INO80C: variants seen among roughly 807,000 people sequenced by gnomAD.
INO80C encodes the protein IES6 homolog.
A neutral mutation model predicts 17.7 loss-of-function variants in INO80C; 17 were observed. The observed-to-expected ratio is 0.96, with a 90% CI of 0.66 to 1.44. INO80C has a LOEUF of 1.44. INO80C is among the 40% of genes most tolerant of loss of function. The pLI, the probability that INO80C is intolerant of heterozygous loss-of-function variation, is 0.00. For missense variants in INO80C, 244 were observed against 245.0 expected (o/e 1.00, Z 0.03); for synonymous variants, 96 against 95.8 (o/e 1.00, Z -0.01).
chr18:35,494,397 T>A (rs1424775421), intron 1 of INO80C, among the ~76,000 whole-genome samples: 1 of 152,194 alleles, frequency 6.6e-6, no homozygotes, highest in Non-Finnish European at 1.5e-5. Flanking sequence ...AAGGTGATTA[T>A]CCAAGTAGGC....
chr18:35,489,990 A>C (rs1248292466), intron 1 of INO80C, among the ~76,000 whole-genome samples: 1 of 151,928 alleles, frequency 6.6e-6, no homozygotes, highest in African/African-American at 2.4e-5. Context: ...AAATATTTAG[A>C]GGATTAAAAA....
At chr18:35,478,258 T>C (rs765044384) in intron 4 of INO80C, 24 bp downstream of exon 4, 1 of 1,498,672 alleles carries the variant, frequency 6.7e-7, no homozygotes, top group East Asian at 2.3e-5. Context: ...CATTTAATGT[T>C]ATAAGAGATA....
chr18:35,495,076 CTGCT>C (rs1336345475), intron 1 of INO80C, among the ~76,000 whole-genome samples: 1 of 152,186 alleles, frequency 6.6e-6, no homozygotes, highest in Non-Finnish European at 1.5e-5. Context: ...GTGCTTATGC[CTGCT>C]TATTTCCTAT....
intron 2 of INO80C, among the ~76,000 whole-genome samples, chr18:35,479,969 T>C (rs546952020): frequency 6.6e-6 from 1 of 152,004 alleles, no homozygotes; most frequent in South Asian, 2.1e-4. Flanking sequence ...GGTAATATTG[T>C]ATTTCCAAAA....
intron 4 of INO80C, among the ~76,000 whole-genome samples, chr18:35,475,324 C>T (rs189831626): frequency 6.6e-6 from 1 of 152,186 alleles, no homozygotes; most frequent in Non-Finnish European, 1.5e-5. Context: ...AACTGTCAGC[C>T]CAGACTTGAA....
At chr18:35,493,367 T>G (rs554927497) in intron 1 of INO80C, among the ~76,000 whole-genome samples, 163 of 152,178 alleles carry the variant, frequency 1.1e-3, no homozygotes, top group Admixed American at 3.4e-3. Flanking sequence ...CATAACATTA[T>G]TAATCAACAA....
Position 35,497,881 on chromosome 18 carries a change from C to G in INO80C, c.-7G>C. 6.4e-7 allele frequency: 1 copy of G among 1,553,960 alleles called. No individual in the cohort carries two copies. Among genetic ancestry groups the G allele is most frequent in the Non-Finnish European group, 8.7e-7 (1 of 1,147,642 alleles). ...TTGGAATTTGCGCCGCCATCGCACT[C>G]CGAGTCTTCCCCTGGTCCCCCCACC... On this transcript the variant is annotated 5_prime_UTR_variant, in exon 1 of 5. Coordinates refer to ENST00000334598, the MANE Select transcript of INO80C (RefSeq NM_194281.4).
intron 1 of INO80C, among the ~76,000 whole-genome samples, chr18:35,481,265 A>C (rs1444046353): frequency 6.6e-6 from 1 of 152,260 alleles, no homozygotes; most frequent in African/African-American, 2.4e-5. Context: ...CTTTAAGCTA[A>C]CAATCACAAA....
chr18:35,472,201 T>G (rs1455295314), intron 4 of INO80C, among the ~76,000 whole-genome samples: 7 of 152,232 alleles, frequency 4.6e-5, no homozygotes, highest in African/African-American at 1.2e-4. Context: ...GCAGTTGAAC[T>G]AGTTTACACT....
chr18:35,487,444 C>T (rs1043972603), intron 1 of INO80C: 11 of 351,062 alleles, frequency 3.1e-5, no homozygotes, highest in South Asian at 8.4e-5. Flanking sequence ...GCACGTCTTA[C>T]GTGGCAGCAG....
intron 4 of INO80C, among the ~76,000 whole-genome samples, chr18:35,469,575 G>A (rs2045644888): frequency 6.6e-6 from 1 of 152,080 alleles, no homozygotes; most frequent in African/African-American, 2.4e-5. Flanking sequence ...TTCAGGACTC[G>A]GCCCCAAAGC....
chr18:35,479,508 C>A, intron 2 of INO80C, 97 bp from the exon 3 acceptor site: 1 of 716,478 alleles, frequency 1.4e-6, no homozygotes. Flanking sequence ...TAATATACCT[C>A]TCATCTGTCA....
chr18:35,483,424 A>G (rs1176372204), intron 1 of INO80C: 1 of 152,212 alleles, frequency 6.6e-6, no homozygotes, highest in Non-Finnish European at 1.5e-5. Context: ...TTTAGACAAC[A>G]CAACAGCAGC....
At position 35,480,561 on chromosome 18, in the gene INO80C, A is replaced by G; in HGVS notation, c.159T>C (p.Gly53=). ...TCTCACTCATGGCTTCCATGCTGAT[A>G]CCCTTAAAACATAATAAAAATAGTT... ...KKASASSFAQ[G]ISMEAMSENK... is the part of the protein sequence containing the mutation. Residue 53 remains glycine (G), a splice_region_variant and synonymous_variant, in exon 2 of 5, where the codon GGT becomes GGC. Coordinates refer to ENST00000334598, the MANE Select transcript of INO80C (RefSeq NM_194281.4). 6.2e-7 allele frequency: 1 copy of G among 1,601,680 alleles called. No individual in the cohort carries two copies. The highest frequency in any genetic ancestry group is 8.6e-7 in the Non-Finnish European group (1 of 1,168,580).
At chr18:35,489,669 T>A (rs1035067160) in intron 1 of INO80C, among the ~76,000 whole-genome samples, 1 of 152,268 alleles carries the variant, frequency 6.6e-6, no homozygotes, top group East Asian at 1.9e-4. Context: ...TAAAAAGATA[T>A]GACAACTAAA....
Position 35,497,746 on chromosome 18 carries a change from T to C in INO80C, c.129A>G (p.Lys43=). 6.2e-6 allele frequency: 10 copies of C among 1,612,954 alleles called. No homozygotes were observed. Among genetic ancestry groups the C allele is most frequent in the Non-Finnish European group, 8.5e-6 (10 of 1,179,566 alleles). The change falls in exon 1 of 5, where the codon AAA becomes AAG. Residue 43 remains lysine (K), a synonymous_variant. Transcript: ENST00000334598. ...GCGCAAAGCTGGAAGCGGACGCTTT[T>C]TTCTTCTTACTGGCGCCATAGCCCC... ...SGGGYGASKK[K]KASASSFAQG... is the part of the protein sequence containing the mutation.
At chr18:35,480,206 G>T (rs1197418390) in intron 2 of INO80C, among the ~76,000 whole-genome samples, 2 of 152,168 alleles carry the variant, frequency 1.3e-5, no homozygotes, top group African/African-American at 4.8e-5. Context: ...TCATGGAAAT[G>T]TCCCACCCTC....
chr18:35,497,381 C>A (rs1385676907), intron 1 of INO80C: 2 of 1,079,772 alleles, frequency 1.9e-6, no homozygotes, highest in African/African-American at 1.7e-5. Context: ...GCAGAATGGA[C>A]GAGGGGAAGA....
At chr18:35,489,975 C>A (rs568862054) in intron 1 of INO80C, among the ~76,000 whole-genome samples, 1 of 151,652 alleles carries the variant, frequency 6.6e-6, no homozygotes, top group African/African-American at 2.4e-5. Context: ...AAGAAATTCA[C>A]ACTGAAATAT....
Sources: allele counts gnomAD v4.1 joint callset (sites outside exome capture counted in the v4.1 genomes callset), GRCh38; gene constraint gnomAD v4.1.1; transcripts MANE v1.5; gene names NCBI Gene and HGNC (gene_info 2026-07-23, HGNC 2026-07-21).